The following STK10 variants were observed in gnomAD, a reference collection of about 807,000 sequenced individuals.
STK10 encodes serine/threonine kinase 10, also known as serine/threonine-protein kinase 10.
STK10 carries 78 observed loss-of-function variants against 113.8 expected under a neutral mutation model. The observed-to-expected ratio is 0.69, with a 90% CI of 0.57 to 0.83. The LOEUF (loss-of-function observed/expected upper bound fraction) is 0.83, where lower values mean the gene tolerates loss of function less well. Among genes scored for constraint, STK10 ranks in the 40% least tolerant of loss-of-function variants. The pLI is 0.00. For missense variants in STK10, 1,109 were observed against 1,280.1 expected, an observed-to-expected ratio of 0.87 and a Z score of 2.04; for synonymous variants, 465 against 494.7, an observed-to-expected ratio of 0.94 and a Z score of 0.80.
At chr5:172,173,734 G>C in intron 1 of STK10, among the ~76,000 whole-genome samples, 1 of 152,160 alleles carries the variant, frequency 6.6e-6, no homozygotes, top group Non-Finnish European at 1.5e-5. Flanking sequence ...GAGGAGTTCA[G>C]GGCCTCAAGG....
intron 1 of STK10, among the ~76,000 whole-genome samples, chr5:172,185,028 T>C (rs1770928733): frequency 6.6e-6 from 1 of 152,158 alleles, no homozygotes; most frequent in Non-Finnish European, 1.5e-5. Context: ...CAGTATCGAT[T>C]GTGGATCGGA....
At chr5:172,182,158 C>T (rs1487098782) in intron 1 of STK10, among the ~76,000 whole-genome samples, 1 of 151,480 alleles carries the variant, frequency 6.6e-6, no homozygotes, top group Non-Finnish European at 1.5e-5. Flanking sequence ...CAAAAATTAG[C>T]CGGGTGTGGC....
At chr5:172,105,807 C>A (rs973894668) in intron 6 of STK10, 70 bp from the exon 7 acceptor site, 16 of 1,366,456 alleles carry the variant, frequency 1.2e-5, no homozygotes, top group Non-Finnish European at 1.6e-5. Context: ...ACGTCACAGA[C>A]TCCACTGTCC....
chr5:172,100,296 C>T (rs987571737), intron 7 of STK10, among the ~76,000 whole-genome samples: 2 of 152,308 alleles, frequency 1.3e-5, no homozygotes, highest in Admixed American at 1.3e-4. Context: ...ACCTCCCAGT[C>T]CTTCCCCCCA....
rs560157696 is a variant in STK10 at position 172,136,216 on chromosome 5, T to C, written c.322-8795A>G. On this transcript the variant is annotated intron_variant, in intron 2 of 18. Transcript: ENST00000176763. ...AAACTAGATGAAATAGAAAAATTCCTAGAAACACAACCTGGCAAGCCTGGA... is the reference window on the plus strand; with the variant it reads ...AAACTAGATGAAATAGAAAAATTCCCAGAAACACAACCTGGCAAGCCTGGA... Among the ~76,000 whole-genome samples, 8 of 152,218 alleles carry C rather than the reference T, an allele frequency of 5.3e-5. No individual in the cohort carries two copies. The South Asian group carries it at 1.5e-3, about 28-fold the overall frequency.
At chr5:172,168,666 C>T (rs1770612046) in intron 1 of STK10, among the ~76,000 whole-genome samples, 1 of 152,192 alleles carries the variant, frequency 6.6e-6, no homozygotes, top group African/African-American at 2.4e-5. Context: ...ACCACCATCG[C>T]CTTTTATGGA....
At chr5:172,055,512 T>C in intron 16 of STK10, 76 bp downstream of exon 16, 5 of 1,292,052 alleles carry the variant, frequency 3.9e-6, no homozygotes, top group South Asian at 4.5e-5. Context: ...CAAAACTGTA[T>C]AAGGCCCAGG....
intron 7 of STK10, among the ~76,000 whole-genome samples, chr5:172,101,935 T>C (rs1581156591): frequency 1.8e-5 from 1 of 56,526 alleles, no homozygotes; most frequent in Non-Finnish European, 3.5e-5. Flanking sequence ...GGCTGGAGTG[T>C]GGGAGCGAGA....
At chr5:172,127,230 G>A (rs1769640298) in intron 3 of STK10, 143 bp downstream of exon 3, 1 of 771,912 alleles carries the variant, frequency 1.3e-6, no homozygotes, top group South Asian at 1.8e-5. Context: ...AGACATAGTA[G>A]AGAGGTGCTC....
intron 12 of STK10, among the ~76,000 whole-genome samples, chr5:172,067,044 C>T (rs1581138506): frequency 1.3e-5 from 2 of 152,268 alleles, no homozygotes; most frequent in South Asian, 4.1e-4. Flanking sequence ...CCACAGTCTA[C>T]AGAACATAAC....
chr5:172,171,608 A>G (rs1770665696), intron 1 of STK10, among the ~76,000 whole-genome samples: 1 of 151,982 alleles, frequency 6.6e-6, no homozygotes, highest in Non-Finnish European at 1.5e-5. Flanking sequence ...CAGCTACTTG[A>G]GGAAGCTGAA....
chr5:172,188,163 C>G lies in STK10; in HGVS notation c.-121G>C, dbSNP rs917555409. The G allele has an allele frequency of 6.3e-6, 9 of 1,436,594 alleles. No homozygotes were observed. In the African/African-American group the frequency reaches 1.2e-4, roughly 19 times the overall value. 89.0% of individuals were successfully genotyped at this position (1,436,594 alleles called of 1,614,324 possible). A position where few individuals can be genotyped will look rare whatever the true frequency, so the allele number is the denominator to read the frequency against. ...CGCGTCTCTCGGGGTTCTCCCCAGA[C>G]CCGCCTTTCCCCGCAGCCCGACCTC... On this transcript the variant is annotated 5_prime_UTR_variant, in exon 1 of 19. Transcript: ENST00000176763. The surrounding 1 kb of genome is among the most constrained non-coding windows in gnomAD (Gnocchi z 5.6).
In STK10 at chr5:172,057,466, T is replaced by C. The variant is rs1350418294; in HGVS notation, c.2220A>G (p.Glu740=). ...MKKQELLRDR[E]AALWEMEEHQ... ...GCTCTTCCATCTCCCACAGGGCTGC[T>C]TCCCGGTCTGCAGAGGACATGCCAC... is the stretch of plus-strand genomic sequence containing the variant. The change falls in exon 15 of 19, where the codon GAA becomes GAG. Residue 740 remains glutamate (E), a synonymous_variant. Coordinates refer to ENST00000176763, the MANE Select transcript of STK10 (RefSeq NM_005990.4). 4.5e-6 allele frequency: 7 copies of C among 1,550,228 alleles called. No homozygotes were observed. Among genetic ancestry groups the C allele is most frequent in the East Asian group, 4.9e-5 (2 of 40,928 alleles).
At chr5:172,061,425 G>C (rs575925449) in intron 13 of STK10, 157 bp from the exon 14 acceptor site, 7 of 999,854 alleles carry the variant, frequency 7.0e-6, no homozygotes, top group Non-Finnish European at 9.8e-6. Flanking sequence ...ACTTAGAGAC[G>C]CATCAACCAA....
At chr5:172,046,825 C>T (rs1033428450) in intron 18 of STK10, among the ~76,000 whole-genome samples, 1 of 152,136 alleles carries the variant, frequency 6.6e-6, no homozygotes, top group Non-Finnish European at 1.5e-5. Flanking sequence ...ACTTTATTTA[C>T]AAATATAGGT....
At chr5:172,098,554 A>G (rs1031139831) in intron 7 of STK10, among the ~76,000 whole-genome samples, 6 of 152,198 alleles carry the variant, frequency 3.9e-5, no homozygotes, top group South Asian at 4.1e-4. Flanking sequence ...TGTCCTCACA[A>G]GCCACCAACA....
chr5:172,056,995 G>GAAAGAAAAAGAGAA (rs1157626941), intron 15 of STK10: 1 of 69,664 alleles, frequency 1.4e-5, no homozygotes, highest in Non-Finnish European at 2.8e-5. Flanking sequence ...AAGAAAGAAA[G>GAAAGAAAAAGAGAA]AGAAAGAAGG....
intron 10 of STK10, among the ~76,000 whole-genome samples, chr5:172,085,596 G>A (rs1768535096): frequency 6.6e-6 from 1 of 151,576 alleles, no homozygotes; most frequent in African/African-American, 2.4e-5. Context: ...GGCTGAGGCA[G>A]GAGAATGGCG....
At chr5:172,134,582 C>G (rs1348890499) in intron 2 of STK10, among the ~76,000 whole-genome samples, 1 of 151,998 alleles carries the variant, frequency 6.6e-6, no homozygotes, top group Non-Finnish European at 1.5e-5. Context: ...ACTTCATCAA[C>G]ATTGAACATA....
Sources: gnomAD v4.1 joint callset for allele counts (sites outside exome capture counted in the v4.1 genomes callset) on GRCh38, gnomAD v4.1.1 for gene constraint, Gnocchi (gnomAD v3.1) non-coding constraint, MANE v1.5 for transcripts, NCBI Gene and HGNC (gene_info 2026-07-23, HGNC 2026-07-21) for gene names.